The following CEP164 variants were observed in gnomAD, a reference collection of about 807,000 sequenced individuals.
CEP164 encodes centrosomal protein 164, also known as centrosomal protein of 164 kDa.
Under a neutral mutation model 182.7 loss-of-function variants are expected in CEP164, and 162 were observed. The observed-to-expected ratio is 0.89, with a 90% CI of 0.78 to 1.01. The LOEUF is 1.01. Ranked by LOEUF, CEP164 falls within the 50% of genes least tolerant of loss-of-function variation. CEP164 has a pLI of 0.00. For synonymous variants in CEP164, 661 were observed against 690.0 expected, an observed-to-expected ratio of 0.96 and a Z score of 0.66; for missense variants, 1,735 against 1,790.4, an observed-to-expected ratio of 0.97 and a Z score of 0.56.
At chr11:117,364,954 T>C (rs991704802) in intron 8 of CEP164, among the ~76,000 whole-genome samples, 4 of 152,242 alleles carry the variant, frequency 2.6e-5, no homozygotes, top group Non-Finnish European at 5.9e-5. Context: ...CAAGCTGATA[T>C]AGGTCTGCTT....
chr11:117,408,724 C>G (rs1276382622), intron 28 of CEP164, 166 bp from the exon 29 acceptor site: 2 of 841,370 alleles, frequency 2.4e-6, no homozygotes, highest in Non-Finnish European at 3.6e-6. Context: ...GCTAGGAGAA[C>G]AAATGGAGAT....
At chr11:117,371,798 T>TC in intron 9 of CEP164, among the ~76,000 whole-genome samples, 1 of 151,162 alleles carries the variant, frequency 6.6e-6, no homozygotes, top group South Asian at 2.1e-4. Flanking sequence ...TCTTGTACTT[T>TC]TTTTTTTTTT....
chr11:117,412,040 G>A (rs1054860564), intron 32 of CEP164, 32 bp from the exon 33 acceptor site: 2 of 1,613,206 alleles, frequency 1.2e-6, no homozygotes, highest in Admixed American at 3.3e-5. Flanking sequence ...GCTATGCCCA[G>A]CGACTGCAGT....
rs2047107051 is a variant in CEP164, at chr11:117,409,688, C to A, written c.3819C>A (p.Ser1273Arg). ...GCCACTCCCTCCGGCAGATCAGCAG[C>A]CAGCTGAGCAGTGTCCTCAGCATCC... ...GLSHSLRQIS[S>R]QLSSVLSILD... is the part of the protein sequence containing the mutation. The change falls in exon 30 of 33, where the codon AGC (serine) becomes AGA (arginine). Residue 1273 changes from serine to arginine, a missense_variant. Transcript: ENST00000278935. The surrounding 1 kb of genome is among the most constrained non-coding windows in gnomAD (Gnocchi z 4.4). The A allele has an allele frequency of 6.2e-7, 1 of 1,614,148 alleles. No homozygotes were observed. Among genetic ancestry groups the A allele is most frequent in the Non-Finnish European group, 8.5e-7 (1 of 1,179,988 alleles).
intron 9 of CEP164, 45 bp from the exon 10 acceptor site, chr11:117,373,702 CTCTT>C (rs2042453176): frequency 3.3e-6 from 5 of 1,528,288 alleles, no homozygotes; most frequent in African/African-American, 1.4e-5. Flanking sequence ...GGGACCATGA[CTCTT>C]TGTGCTCTGC....
intron 27 of CEP164, among the ~76,000 whole-genome samples, chr11:117,404,368 G>C (rs1270871942): frequency 6.6e-6 from 1 of 152,186 alleles, no homozygotes; most frequent in African/African-American, 2.4e-5. Context: ...TGACGTTGAT[G>C]CTATTCCTTT....
intron 24 of CEP164, among the ~76,000 whole-genome samples, 156 bp downstream of exon 24, chr11:117,395,878 GGTT>G (rs1403279773): frequency 6.6e-6 from 1 of 152,094 alleles, no homozygotes; most frequent in African/African-American, 2.4e-5. Flanking sequence ...AGGGAGTTGG[GGTT>G]GTTAAGATTC....
Position 117,409,379 on chromosome 11 carries a change from T to A in CEP164, c.3749-239T>A, listed in dbSNP as rs145731378. On this transcript the variant is annotated intron_variant, in intron 29 of 32. Coordinates refer to ENST00000278935, the MANE Select transcript of CEP164 (RefSeq NM_014956.5). The surrounding 1 kb of genome is among the most constrained non-coding windows in gnomAD (Gnocchi z 4.4). ...CCTCTCCCCTTCCTTCTCTCTGGGGTCCTGGGCCCTTCACCCAGCACCTTG... is the reference window on the plus strand; with the variant it reads ...CCTCTCCCCTTCCTTCTCTCTGGGGACCTGGGCCCTTCACCCAGCACCTTG... 4 of 582,742 alleles carry A rather than the reference T, an allele frequency of 6.9e-6. No individual in the cohort carries two copies. The African/African-American group carries it at 7.4e-5, about 11-fold the overall frequency. 36.1% of individuals were successfully genotyped at this position (582,742 alleles called of 1,614,324 possible).
intron 14 of CEP164, among the ~76,000 whole-genome samples, chr11:117,383,192 G>A (rs1169018742): frequency 1.3e-5 from 2 of 152,172 alleles, no homozygotes; most frequent in African/African-American, 4.8e-5. Context: ...AAGGGCAGAT[G>A]AGGGGGTACC....
chr11:117,350,655 C>G (rs2039508332), intron 4 of CEP164, among the ~76,000 whole-genome samples: 1 of 152,050 alleles, frequency 6.6e-6, no homozygotes, highest in Non-Finnish European at 1.5e-5. Flanking sequence ...TTCAGCTTGT[C>G]AGATTTCATA....
In CEP164 at chr11:117,381,331, G is replaced by A. The variant is rs979771702; in HGVS notation, c.1410-370G>A. On this transcript the variant is annotated intron_variant, in intron 12 of 32. Coordinates refer to ENST00000278935, the MANE Select transcript of CEP164 (RefSeq NM_014956.5). The stretch of plus-strand genomic sequence containing the variant: ...GCATTTTTCTAGTTTGACCTCTTGA[G>A]TCTGGCTTCTCTTTTTCTCCCCACT... 1.1e-4 allele frequency among the ~76,000 whole-genome samples: 17 copies of A among 152,334 alleles called. No individual in the cohort carries two copies. The South Asian group carries it at 3.3e-3, about 30-fold the overall frequency.
In CEP164 at chr11:117,409,898, G is replaced by T. The variant is rs1490598391; in HGVS notation, c.4029G>T (p.Arg1343Ser). 1.2e-6 allele frequency: 2 copies of T among 1,614,004 alleles called. No homozygotes were observed. The highest frequency in any genetic ancestry group is 1.7e-6 in the Non-Finnish European group (2 of 1,179,996). Residue 1343 changes from arginine to serine, a missense_variant, in exon 30 of 33, where the codon AGG becomes AGT. Coordinates refer to ENST00000278935, the MANE Select transcript of CEP164 (RefSeq NM_014956.5). This position sits in a 1 kb window ranked among gnomAD's most constrained non-coding sequence, Gnocchi z 4.4. ...QWAWDSGQGP[R>S]LPSSVAQTVD... ...CCTGGGATTCAGGGCAGGGGCCCAG[G>T]CTCCCCTCCTCTGTGGCTCAAACGG...
At chr11:117,395,774 C>T in intron 24 of CEP164, 52 bp downstream of exon 24, 1 of 1,547,276 alleles carries the variant, frequency 6.5e-7, no homozygotes, top group Non-Finnish European at 8.7e-7. Context: ...TGCCTGCCCT[C>T]TGACCTCTGC....
chr11:117,323,416 T>C (rs1164155097), upstream of CEP164, among the ~76,000 whole-genome samples: 1 of 152,110 alleles, frequency 6.6e-6, no homozygotes, highest in African/African-American at 2.4e-5. Context: ...TTGTTGCAAA[T>C]GGTAGGATTC....
chr11:117,357,516 G>C (rs1428964279), intron 5 of CEP164, among the ~76,000 whole-genome samples: 3 of 151,458 alleles, frequency 2.0e-5, no homozygotes, highest in African/African-American at 7.3e-5. Context: ...CCACCTCCTG[G>C]GTTCAAGCTA....
intron 3 of CEP164, among the ~76,000 whole-genome samples, chr11:117,343,707 T>G (rs1395490515): frequency 6.7e-6 from 1 of 148,640 alleles, no homozygotes; most frequent in Non-Finnish European, 1.5e-5. Context: ...CTCGGCTCAC[T>G]GCAACCTCTT....
chr11:117,395,560 C>T lies in CEP164; in HGVS notation c.2927C>T (p.Thr976Ile). ...TTTTGCCCCTAGGAAGCCACAGCCA[C>T]CCATCAGCAGCTGGAGGAGGCACAG... ...VALKSEEATA[T>I]HQQLEEAQKE... is the part of the protein sequence containing the mutation. Residue 976 changes from threonine (T) to isoleucine (I), a missense_variant, in exon 24 of 33, where the codon ACC (threonine) becomes ATC (isoleucine). Transcript: ENST00000278935. 3 of 1,611,598 alleles carry T rather than the reference C, an allele frequency of 1.9e-6. No homozygotes were observed. Among genetic ancestry groups the T allele is most frequent in the Non-Finnish European group, 2.5e-6 (3 of 1,178,818 alleles).
intron 6 of CEP164, among the ~76,000 whole-genome samples, 199 bp downstream of exon 6, chr11:117,362,192 A>T (rs1242080311): frequency 6.6e-6 from 1 of 152,164 alleles, no homozygotes. Context: ...TGCTGTAGGG[A>T]CATCAGTGCT....
chr11:117,380,490 A>G (rs2043199324), intron 11 of CEP164, 124 bp from the exon 12 acceptor site: 2 of 726,638 alleles, frequency 2.8e-6, no homozygotes, highest in Non-Finnish European at 4.7e-6. Flanking sequence ...TACGTCCCGT[A>G]TGGTCCCATC....
Sources: allele counts gnomAD v4.1 joint callset (sites outside exome capture counted in the v4.1 genomes callset), GRCh38; gene constraint gnomAD v4.1.1; non-coding constraint Gnocchi (gnomAD v3.1); transcripts MANE v1.5; gene names NCBI Gene and HGNC (gene_info 2026-07-23, HGNC 2026-07-21).